PER2: variants seen among roughly 807,000 people sequenced by gnomAD.
PER2 encodes the protein period circadian protein homolog 2.
In PER2, 66 loss-of-function variants were observed where a neutral mutation model predicts 121.0. That is an observed-to-expected ratio of 0.55 (90% CI 0.45 to 0.67). The LOEUF is 0.67. Ranked by LOEUF, PER2 falls within the 30% of genes least tolerant of loss-of-function variation. The pLI is 0.00. For missense variants in PER2, 1,521 were observed against 1,635.0 expected (o/e 0.93, Z 1.20); for synonymous variants, 684 against 659.9 (o/e 1.04, Z -0.56).
chr2:238,261,701 G>A, intron 12 of PER2, 28 bp downstream of exon 12: 1 of 1,446,832 alleles, frequency 6.9e-7, no homozygotes, highest in Non-Finnish European at 9.5e-7. Context: ...TGCTACCTGG[G>A]AGGAGGACAT....
At position 238,255,707 on chromosome 2, in the gene PER2, T is replaced by G; in HGVS notation, c.2270A>C (p.His757Pro). Residue 757 changes from histidine (H) to proline (P), a missense_variant, in exon 18 of 23, where the codon CAC (histidine) becomes CCC (proline). Transcript: ENST00000254657. Reference protein sequence around the residue: ...EIRKLSIFQSHCHYYLQERSK... With the variant: ...EIRKLSIFQSPCHYYLQERSK... ...TCTTTCTTGCAAGTAGTAATGGCAGTGGGACTGGAAAATGCTGAGTTTTCT... is the reference window on the plus strand; with the variant it reads ...TCTTTCTTGCAAGTAGTAATGGCAGGGGGACTGGAAAATGCTGAGTTTTCT... The G allele has an allele frequency of 6.2e-7, 1 of 1,614,228 alleles. No homozygotes were observed. Among genetic ancestry groups the G allele is most frequent in the Non-Finnish European group, 8.5e-7 (1 of 1,180,012 alleles).
At chr2:238,276,232 A>T (rs1559334767) in intron 3 of PER2, among the ~76,000 whole-genome samples, 1 of 152,214 alleles carries the variant, frequency 6.6e-6, no homozygotes, top group Non-Finnish European at 1.5e-5. Context: ...GACATCTAGC[A>T]GCATCCCTGG....
chr2:238,269,163 G>A (rs1696205092), intron 6 of PER2, among the ~76,000 whole-genome samples, 189 bp from the exon 7 acceptor site: 1 of 152,190 alleles, frequency 6.6e-6, no homozygotes, highest in Admixed American at 6.5e-5. Flanking sequence ...AAATTACATA[G>A]ACTTCATGAG....
intron 10 of PER2, 108 bp downstream of exon 10, chr2:238,262,844 C>T (rs1695976920): frequency 2.6e-6 from 2 of 782,844 alleles, no homozygotes; most frequent in East Asian, 5.3e-5. Flanking sequence ...ACCTGCTTGT[C>T]CTTAGCTGAT....
At position 238,255,921 on chromosome 2, in the gene PER2, A is replaced by G. The variant is rs374326214; in HGVS notation, c.2066-10T>C. 58 of 1,614,066 alleles carry G rather than the reference A, an allele frequency of 3.6e-5. No homozygotes were observed. Among genetic ancestry groups the G allele is most frequent in the Non-Finnish European group, 4.7e-5 (55 of 1,180,026 alleles). ...GCATCTTCCACCATCTCTGTAACAC[A>G]AGAACCCAGGGCTCTGGTCCACACG... On this transcript the variant is annotated splice_polypyrimidine_tract_variant and intron_variant, in intron 17 of 22. Coordinates refer to ENST00000254657, the MANE Select transcript of PER2 (RefSeq NM_022817.3).
intron 1 of PER2, among the ~76,000 whole-genome samples, chr2:238,281,654 T>C (rs1696632639): frequency 6.6e-6 from 1 of 152,200 alleles, no homozygotes; most frequent in South Asian, 2.1e-4. Flanking sequence ...CTCAACCTCA[T>C]TAGCATCAGG....
chr2:238,276,505 C>G (rs1559334865), intron 3 of PER2, among the ~76,000 whole-genome samples: 1 of 152,162 alleles, frequency 6.6e-6, no homozygotes, highest in South Asian at 2.1e-4. Context: ...TTCTTCCCTG[C>G]CCCAGGTAAA....
At chr2:238,260,406 G>A (rs770970088) in intron 13 of PER2, among the ~76,000 whole-genome samples, 2 of 151,930 alleles carry the variant, frequency 1.3e-5, no homozygotes, top group Admixed American at 6.6e-5. Context: ...ACAGGGGCGC[G>A]CCACCATGCA....
rs1192309947 is a variant in PER2 at position 238,250,557 on chromosome 2, G to A, written c.3461C>T (p.Pro1154Leu). The change falls in exon 21 of 23, where the codon CCT (proline) becomes CTT (leucine). Residue 1154 changes from proline to leucine, a missense_variant. Coordinates refer to ENST00000254657, the MANE Select transcript of PER2 (RefSeq NM_022817.3). ...GAAAACGCTGGGTGGTTACCGGGAA[G>A]GCAGCTGGTACGTCATCATGACGCT... ...DSSVMMTYQL[P>L]SRNLEAVLKE... 1.2e-6 allele frequency: 2 copies of A among 1,611,646 alleles called. No homozygotes were observed. The highest frequency in any genetic ancestry group is 1.7e-6 in the Non-Finnish European group (2 of 1,178,844).
At position 238,245,348 on chromosome 2, in the gene PER2, C is replaced by G. The variant is rs1248315099; in HGVS notation, c.*1027G>C. 4 of 381,728 alleles carry G rather than the reference C, an allele frequency of 1.0e-5. No individual in the cohort carries two copies. The East Asian group carries it at 1.5e-4, about 14-fold the overall frequency. 23.6% of individuals were successfully genotyped at this position (381,728 alleles called of 1,614,324 possible). On this transcript the variant is annotated 3_prime_UTR_variant, in exon 23 of 23. Coordinates refer to ENST00000254657, the MANE Select transcript of PER2 (RefSeq NM_022817.3). ...ATGAAAAGAATGAGGGCTGTGCACC[C>G]AACCCAGGGTGCAGTGGGAGAGGTG...
chr2:238,269,027 T>C, intron 6 of PER2, 53 bp from the exon 7 acceptor site: 1 of 1,320,404 alleles, frequency 7.6e-7, no homozygotes, highest in Admixed American at 1.7e-5. Flanking sequence ...AAATACAGTG[T>C]TCCTCATTTC....
In PER2 at chr2:238,253,208, ATGTGAG is replaced by A. The variant is rs1695658765; in HGVS notation, c.2809_2814del (p.Leu937_Thr938del). 2 of 1,595,732 alleles carry A rather than the reference ATGTGAG, an allele frequency of 1.3e-6. No individual in the cohort carries two copies. Among genetic ancestry groups the A allele is most frequent in the South Asian group, 2.3e-5 (2 of 88,470 alleles). ...GGCTGTGAGGCAGAGGCCATCTCGG[ATGTGAG>A]TGTGGGGTGGCTCGGAAACTGAGGC... On this transcript the variant is annotated inframe_deletion, in exon 19 of 23. Transcript: ENST00000254657. The surrounding 1 kb of genome is among the most constrained non-coding windows in gnomAD (Gnocchi z 5.6).
rs1696183774 is a variant in PER2, at chr2:238,268,547, G to A, written c.825-349C>T. 6.6e-6 allele frequency among the ~76,000 whole-genome samples: 1 copy of A among 152,218 alleles called. No individual in the cohort carries two copies. The highest frequency in any genetic ancestry group is 1.5e-5 in the Non-Finnish European group (1 of 68,038). On this transcript the variant is annotated intron_variant, in intron 7 of 22. Coordinates refer to ENST00000254657, the MANE Select transcript of PER2 (RefSeq NM_022817.3). The surrounding 1 kb of genome is among the most constrained non-coding windows in gnomAD (Gnocchi z 4.0). The stretch of plus-strand genomic sequence containing the variant: ...GTCACTCCTGACAGTGCAGCTGGAT[G>A]CTCAATCAGTCACCCTGGTTTGGAC...
At position 238,258,595 on chromosome 2, in the gene PER2, T is replaced by A. The variant is rs773386774; in HGVS notation, c.1677A>T (p.Glu559Asp). The A allele has an allele frequency of 1.2e-6, 2 of 1,614,138 alleles. No individual in the cohort carries two copies. Among genetic ancestry groups the A allele is most frequent in the South Asian group, 2.2e-5 (2 of 91,084 alleles). The change falls in exon 15 of 23, where the codon GAA becomes GAT. Residue 559 changes from glutamate to aspartate, a missense_variant. Transcript: ENST00000254657. ...GGAAGCTGACCCCCAGGCTGTCCTT[T>A]TCCATGGCAGGGACAGCTTTCTTCT... ...PAEKKAVPAMEKDSLGVSFPE... is the reference protein window; with the variant it reads ...PAEKKAVPAMDKDSLGVSFPE...
At chr2:238,259,499 C>T (rs1695861403) in intron 14 of PER2, among the ~76,000 whole-genome samples, 1 of 152,220 alleles carries the variant, frequency 6.6e-6, no homozygotes, top group Non-Finnish European at 1.5e-5. Flanking sequence ...GTACTCCCCA[C>T]TTCAGACAGG....
intron 1 of PER2, among the ~76,000 whole-genome samples, chr2:238,286,474 T>C (rs1254706434): frequency 2.6e-5 from 4 of 151,752 alleles, no homozygotes; most frequent in Non-Finnish European, 1.5e-5. Context: ...ACGATGAGCA[T>C]AATGAGTTGA....
In PER2 at chr2:238,271,298, C is replaced by T; in HGVS notation, c.772+14G>A. 6.2e-7 allele frequency: 1 copy of T among 1,610,640 alleles called. No individual in the cohort carries two copies. The highest frequency in any genetic ancestry group is 1.1e-5 in the South Asian group (1 of 90,972). ...GACCCCAGAGGGAACAAGGCACTAC[C>T]TCGATAACCTCACCTGCTCCACTGC... is the stretch of plus-strand genomic sequence containing the variant. On this transcript the variant is annotated intron_variant, in intron 6 of 22. Transcript: ENST00000254657.
rs560008620 is a variant in PER2, at chr2:238,253,127, G to A, written c.2896C>T (p.Arg966Trp). 28 of 1,603,540 alleles carry A rather than the reference G, an allele frequency of 1.7e-5. No homozygotes were observed. Among genetic ancestry groups the A allele is most frequent in the Middle Eastern group, 1.7e-4 (1 of 6,002 alleles). The change falls in exon 19 of 23, where the codon CGG (arginine) becomes TGG (tryptophan). Residue 966 changes from arginine to tryptophan, a missense_variant. Coordinates refer to ENST00000254657, the MANE Select transcript of PER2 (RefSeq NM_022817.3). The surrounding 1 kb of genome is among the most constrained non-coding windows in gnomAD (Gnocchi z 5.6). Reference sequence around the variant, plus strand: ...CCCATGGCCGATGGTGGGGTGGCCCGGGTGGCTGGACAAGCACATGGCTGT... The same window carrying A: ...CCCATGGCCGATGGTGGGGTGGCCCAGGTGGCTGGACAAGCACATGGCTGT... ...PRQPCACPAT[R>W]ATPPSAMGRA...
rs763907235 is a variant in PER2 at position 238,258,628 on chromosome 2, G to T, written c.1644C>A (p.Pro548=). The part of the protein sequence containing the change: ...KKSVTEMQTN[P]PAEKKAVPAM... ...CAGGGACAGCTTTCTTCTCAGCTGG[G>T]GGATTAGTTTGCATTTCTGAAGGAA... Residue 548 remains proline, a synonymous_variant, in exon 15 of 23, where the codon CCC becomes CCA. Transcript: ENST00000254657. 6.2e-7 allele frequency: 1 copy of T among 1,614,048 alleles called. No individual in the cohort carries two copies. The highest frequency in any genetic ancestry group is 1.1e-5 in the South Asian group (1 of 91,090).
Sources: allele counts gnomAD v4.1 joint callset (sites outside exome capture counted in the v4.1 genomes callset), GRCh38; gene constraint gnomAD v4.1.1; non-coding constraint Gnocchi (gnomAD v3.1); transcripts MANE v1.5; gene names NCBI Gene and HGNC (gene_info 2026-07-23, HGNC 2026-07-21).